ROCK1: variants seen among roughly 807,000 people sequenced by gnomAD.
ROCK1 encodes the protein rho-associated protein kinase 1.
A neutral mutation model predicts 196.8 loss-of-function variants in ROCK1; 36 were observed. The ratio of observed to expected loss-of-function variants is 0.18; its 90% CI spans 0.14 to 0.24. The LOEUF is 0.24. ROCK1 is among the 10% of genes least tolerant of loss of function. ROCK1 has a pLI of 1.00. For synonymous variants in ROCK1, 443 were observed against 515.9 expected, an observed-to-expected ratio of 0.86 and a Z score of 1.91; for missense variants, 920 against 1,562.0, an observed-to-expected ratio of 0.59 and a Z score of 6.93.
intron 1 of ROCK1, among the ~76,000 whole-genome samples, chr18:21,086,172 C>T (rs1390399590): frequency 3.4e-5 from 5 of 147,882 alleles, no homozygotes; most frequent in South Asian, 4.3e-4. Context: ...AGTGCAGTGG[C>T]GCAATCTCGG....
chr18:21,041,726 T>A (rs1343401861), intron 8 of ROCK1, among the ~76,000 whole-genome samples: 6 of 152,146 alleles, frequency 3.9e-5, no homozygotes, highest in Non-Finnish European at 5.9e-5. Context: ...TGAAAAAGGA[T>A]GCTCCCAACT....
intron 27 of ROCK1, among the ~76,000 whole-genome samples, chr18:20,960,451 T>C (rs2035316356): frequency 6.6e-6 from 1 of 152,090 alleles, no homozygotes; most frequent in Admixed American, 6.5e-5. Context: ...TACAAAAGTA[T>C]GAAGTAACAA....
intron 27 of ROCK1, among the ~76,000 whole-genome samples, chr18:20,965,318 G>A (rs2035362607): frequency 6.6e-6 from 1 of 152,058 alleles, no homozygotes; most frequent in Admixed American, 6.6e-5. Context: ...TTGAGCCCAG[G>A]AGGCAGGATC....
chr18:20,974,352 T>C (rs755704212), intron 22 of ROCK1, among the ~76,000 whole-genome samples: 4 of 152,156 alleles, frequency 2.6e-5, no homozygotes, highest in East Asian at 1.9e-4. Flanking sequence ...TCTAAGAATA[T>C]TGGGAGTGGT....
At chr18:20,976,476 T>C (rs1256878386) in intron 22 of ROCK1, among the ~76,000 whole-genome samples, 3 of 152,148 alleles carry the variant, frequency 2.0e-5, no homozygotes, top group Non-Finnish European at 4.4e-5. Flanking sequence ...GATCCTGACA[T>C]ACTGGGCCAG....
chr18:20,958,625 T>C (rs1164603452), intron 29 of ROCK1, among the ~76,000 whole-genome samples: 2 of 151,034 alleles, frequency 1.3e-5, no homozygotes, highest in Admixed American at 1.3e-4. Flanking sequence ...TCCTACACAG[T>C]TGTTCTTTTA....
At position 21,078,379 on chromosome 18, in the gene ROCK1, G is replaced by C. The variant is rs1395923540; in HGVS notation, c.94-7766C>G. Among the ~76,000 whole-genome samples the C allele has an allele frequency of 6.9e-3, 986 of 143,324 alleles. 18 individuals are homozygous for C. The highest frequency in any genetic ancestry group is 0.026 in the African/African-American group (929 of 36,324). The allele number at this position is 143,324 out of a possible 152,430, so 94.0% of individuals were successfully genotyped here. A position where few individuals can be genotyped will look rare whatever the true frequency, so the allele number is the denominator to read the frequency against. On this transcript the variant is annotated intron_variant, in intron 1 of 32. Coordinates refer to ENST00000399799, the MANE Select transcript of ROCK1 (RefSeq NM_005406.3). Reference sequence around the variant, plus strand: ...ACACACACACACACACACACAGAGAGAGAGAGAGAGAGAGAGAGAGAACCT... The same window carrying C: ...ACACACACACACACACACACAGAGACAGAGAGAGAGAGAGAGAGAGAACCT...
rs72879444 is a variant in ROCK1, at chr18:21,106,447, C to T, written c.93+4371G>A. On this transcript the variant is annotated intron_variant, in intron 1 of 32. Coordinates refer to ENST00000399799, the MANE Select transcript of ROCK1 (RefSeq NM_005406.3). ...CCCTCCAGGAGCGAGCCACTGCACCCGGCCTTGTTTTTCCTATTTAATTTA... is the reference window on the plus strand; with the variant it reads ...CCCTCCAGGAGCGAGCCACTGCACCTGGCCTTGTTTTTCCTATTTAATTTA... Among the ~76,000 whole-genome samples the T allele has an allele frequency of 8.6e-3, 1,312 of 152,278 alleles. 11 individuals are homozygous for T. Among genetic ancestry groups the T allele is most frequent in the Non-Finnish European group, 0.013 (906 of 68,010 alleles).
intron 29 of ROCK1, among the ~76,000 whole-genome samples, chr18:20,959,059 A>T (rs1381427805): frequency 9.0e-4 from 49 of 54,148 alleles, no homozygotes; most frequent in African/African-American, 5.7e-3. Context: ...TATATATATT[A>T]TATTTTATAT....
At chr18:20,968,932 TTTAA>T (rs1230228856) in intron 24 of ROCK1, 72 bp from the exon 25 acceptor site, 73 of 1,062,678 alleles carry the variant, frequency 6.9e-5, no homozygotes, top group South Asian at 6.7e-4. Context: ...TAACAATGTC[TTTAA>T]TTATTCAAAT....
intron 1 of ROCK1, among the ~76,000 whole-genome samples, chr18:21,103,464 ATT>A (rs879261332): frequency 2.0e-5 from 3 of 146,788 alleles, no homozygotes; most frequent in African/African-American, 2.5e-5. Context: ...TTATTTTATT[ATT>A]TTTTTTTTTT....
chr18:20,959,114 T>TA (rs1568367447), intron 29 of ROCK1, among the ~76,000 whole-genome samples: 5 of 49,360 alleles, frequency 1.0e-4, no homozygotes, highest in African/African-American at 5.2e-4. Context: ...TATATATATA[T>TA]TATATAATAT....
intron 1 of ROCK1, among the ~76,000 whole-genome samples, chr18:21,075,951 C>CAAA (rs1286047222): frequency 3.1e-5 from 2 of 65,078 alleles, no homozygotes; most frequent in Admixed American, 1.4e-4. Context: ...GACTCTGTCT[C>CAAA]AAAAAAAAAA....
At chr18:21,011,561 T>A (rs2035817419) in intron 13 of ROCK1, among the ~76,000 whole-genome samples, 1 of 152,038 alleles carries the variant, frequency 6.6e-6, no homozygotes, top group Admixed American at 6.6e-5. Flanking sequence ...ACTCAAGCGA[T>A]CCTCCCACCT....
At chr18:21,104,926 G>A (rs1473240486) in intron 1 of ROCK1, among the ~76,000 whole-genome samples, 3 of 152,140 alleles carry the variant, frequency 2.0e-5, no homozygotes, top group African/African-American at 4.8e-5. Flanking sequence ...TGGCTTAGAC[G>A]TCAATAACGC....
At chr18:21,041,654 C>T (rs985941546) in intron 8 of ROCK1, among the ~76,000 whole-genome samples, 4 of 152,006 alleles carry the variant, frequency 2.6e-5, no homozygotes, top group East Asian at 1.9e-4. Flanking sequence ...AACCATATAC[C>T]ATACATCATC....
chr18:20,990,951 G>T (rs569876541), intron 18 of ROCK1, among the ~76,000 whole-genome samples: 2 of 151,806 alleles, frequency 1.3e-5, no homozygotes, highest in Non-Finnish European at 2.9e-5. Flanking sequence ...GTAGAGACGG[G>T]GTTTCACCAC....
intron 9 of ROCK1, among the ~76,000 whole-genome samples, chr18:21,032,230 A>C (rs1325395541): frequency 1.3e-5 from 2 of 152,230 alleles, no homozygotes; most frequent in African/African-American, 4.8e-5. Context: ...AAGGAGTATC[A>C]GTAAAGGTAA....
At chr18:20,974,774 C>A (rs563767114) in intron 22 of ROCK1, among the ~76,000 whole-genome samples, 91 of 152,282 alleles carry the variant, frequency 6.0e-4, no homozygotes, top group African/African-American at 2.0e-3. Context: ...CTAGAAAATT[C>A]TCTGGCCCAT....
Sources: gnomAD v4.1 joint callset for allele counts (sites outside exome capture counted in the v4.1 genomes callset) on GRCh38, gnomAD v4.1.1 for gene constraint, MANE v1.5 for transcripts, NCBI Gene and HGNC (gene_info 2026-07-23, HGNC 2026-07-21) for gene names.